The following PLEKHA6 variants were observed in gnomAD, a reference collection of about 807,000 sequenced individuals.
PLEKHA6 encodes the protein pleckstrin homology domain containing A6, also known as pleckstrin homology domain-containing family A member 6.
Under a neutral mutation model 116.7 loss-of-function variants are expected in PLEKHA6, and 60 were observed. The ratio of observed to expected loss-of-function variants is 0.51; its 90% CI spans 0.42 to 0.64. The LOEUF (loss-of-function observed/expected upper bound fraction) is 0.64. Among genes scored for constraint, PLEKHA6 ranks in the 30% least tolerant of loss-of-function variants. The probability of loss-of-function intolerance (pLI) is 0.00; values close to 1 mark genes in which losing one functional copy is unlikely to be tolerated. For missense variants in PLEKHA6, 1,338 were observed against 1,422.7 expected (o/e 0.94, Z 0.96); for synonymous variants, 489 against 556.1 (o/e 0.88, Z 1.70).
At position 204,357,037 on chromosome 1, in the gene PLEKHA6, C is replaced by T. The variant is rs530389749; in HGVS notation, c.-95+2657G>A. 4.2e-4 allele frequency among the ~76,000 whole-genome samples: 64 copies of T among 152,344 alleles called. 1 individual carries two copies. In the South Asian group the frequency reaches 0.011, roughly 26 times the overall value. On this transcript the variant is annotated intron_variant, in intron 1 of 22. Coordinates refer to ENST00000272203, the MANE Select transcript of PLEKHA6 (RefSeq NM_014935.5). ...GATCATGTAAAATATATTACATCCA[C>T]ACACGGACTATTATATACTATTTTA...
At chr1:204,285,814 G>C (rs1669105155) in intron 1 of PLEKHA6, among the ~76,000 whole-genome samples, 3 of 152,352 alleles carry the variant, frequency 2.0e-5, no homozygotes, top group South Asian at 4.1e-4. Flanking sequence ...GGCTGGGAGA[G>C]AAGAGTTGGA....
intron 1 of PLEKHA6, among the ~76,000 whole-genome samples, chr1:204,298,655 A>T (rs1670525134): frequency 6.6e-6 from 1 of 152,202 alleles, no homozygotes; most frequent in African/African-American, 2.4e-5. Context: ...AGGTCCAAGA[A>T]GGGCTAATGT....
In PLEKHA6 at chr1:204,223,576, G is replaced by A; in HGVS notation, c.3041C>T (p.Ala1014Val). 1.7e-6 allele frequency: 2 copies of A among 1,186,612 alleles called. No homozygotes were observed. Among genetic ancestry groups the A allele is most frequent in the Non-Finnish European group, 2.2e-6 (2 of 901,920 alleles). 73.5% of individuals were successfully genotyped at this position (1,186,612 alleles called of 1,614,324 possible). ...AGGGGAGGTGGGAGGGCTTGGGGTG[G>A]CACATTGCACTGGAAACAGAAATGA... is the stretch of plus-strand genomic sequence containing the variant. ...RRGRMLSVQC[A>V]TPSPPTSPAS... Residue 1014 changes from alanine (A) to valine (V), a missense_variant, in exon 22 of 23, where the codon GCC (alanine) becomes GTC (valine). Ala to Val is a moderately conservative substitution (Grantham distance 64). Around this residue, in one of 3 missense-constraint regions of PLEKHA6, gnomAD observed 1,136 missense variants for 1,163.6 expected, o/e 0.98. Transcript: ENST00000272203. The surrounding 1 kb of genome is among the most constrained non-coding windows in gnomAD (Gnocchi z 4.8).
chr1:204,347,515 C>T (rs575461493), intron 1 of PLEKHA6, among the ~76,000 whole-genome samples: 1 of 150,666 alleles, frequency 6.6e-6, no homozygotes, highest in African/African-American at 2.4e-5. Context: ...ACATCCTCCT[C>T]GGCTTACGAG....
At chr1:204,264,817 C>A in intron 6 of PLEKHA6, 125 bp downstream of exon 6, 1 of 762,922 alleles carries the variant, frequency 1.3e-6, no homozygotes, top group Non-Finnish European at 2.4e-6. Context: ...CCCACCACCA[C>A]TGCTATGGCC....
intron 12 of PLEKHA6, 46 bp from the exon 13 acceptor site, chr1:204,247,506 G>T: frequency 4.0e-6 from 5 of 1,265,454 alleles, no homozygotes; most frequent in East Asian, 2.3e-5. Context: ...CATCACCAAG[G>T]CATTCCTCCT....
At chr1:204,232,469 A>C (rs1234260085) in intron 17 of PLEKHA6, among the ~76,000 whole-genome samples, 1 of 152,180 alleles carries the variant, frequency 6.6e-6, no homozygotes, top group Non-Finnish European at 1.5e-5. Flanking sequence ...CCAATCGACC[A>C]TCCCAGAAGA....
chr1:204,315,794 G>A (rs1364451582), intron 1 of PLEKHA6, among the ~76,000 whole-genome samples: 1 of 152,170 alleles, frequency 6.6e-6, no homozygotes, highest in African/African-American at 2.4e-5. Flanking sequence ...AGGGCAGCGT[G>A]AGTGGGGAGC....
intron 3 of PLEKHA6, among the ~76,000 whole-genome samples, chr1:204,272,272 C>T (rs1230098937): frequency 1.3e-5 from 2 of 152,144 alleles, no homozygotes; most frequent in African/African-American, 4.8e-5. Flanking sequence ...GGTGGCTTTT[C>T]CCCATCCAGT....
chr1:204,372,096 C>T (rs1673788307), intron 1 of PLEKHA6, among the ~76,000 whole-genome samples: 1 of 152,198 alleles, frequency 6.6e-6, no homozygotes, highest in Admixed American at 6.5e-5. Context: ...ACTGCATGAA[C>T]CCATAGTCCT....
intron 1 of PLEKHA6, chr1:204,313,811 T>C (rs1671753805): frequency 2.0e-6 from 1 of 493,226 alleles, no homozygotes; most frequent in African/African-American, 2.1e-5. Context: ...AGAAACCTGT[T>C]CAAGCCACCC....
At chr1:204,330,811 C>G (rs1286100283) in intron 1 of PLEKHA6, among the ~76,000 whole-genome samples, 1 of 152,196 alleles carries the variant, frequency 6.6e-6, no homozygotes, top group African/African-American at 2.4e-5. Context: ...ACCCCTCCTT[C>G]CCTAGATCAC....
Position 204,359,695 on chromosome 1 carries a change from G to A in PLEKHA6, c.-96C>T, listed in dbSNP as rs1404481297. ...TGTGATGCATGAAAACAGACTCACC[G>A]GCTTCTGAGGTGTGATCCCCGCGCT... On this transcript the variant is annotated splice_region_variant and 5_prime_UTR_variant, in exon 1 of 23. Transcript: ENST00000272203. The A allele has an allele frequency of 5.6e-5, 55 of 977,078 alleles. No individual in the cohort carries two copies. Among genetic ancestry groups the A allele is most frequent in the Middle Eastern group, 5.2e-4 (1 of 1,916 alleles). 60.5% of individuals were successfully genotyped at this position (977,078 alleles called of 1,614,324 possible). A position where few individuals can be genotyped will look rare whatever the true frequency, so the allele number is the denominator to read the frequency against.
intron 2 of PLEKHA6, chr1:204,371,415 C>T (rs1432722558): frequency 3.3e-5 from 5 of 152,286 alleles, no homozygotes; most frequent in African/African-American, 1.2e-4. Flanking sequence ...AAGCTGAGTC[C>T]ATCCATGGAG....
chr1:204,255,780 C>A, intron 9 of PLEKHA6: 1 of 680,724 alleles, frequency 1.5e-6, no homozygotes, highest in Admixed American at 2.1e-5. Context: ...TAAGAGTTAG[C>A]GACAAGGACA....
chr1:204,327,831 AT>A (rs1672295267), intron 1 of PLEKHA6, among the ~76,000 whole-genome samples: 1 of 152,216 alleles, frequency 6.6e-6, no homozygotes, highest in Admixed American at 6.5e-5. Context: ...ACTTGCTCCC[AT>A]TCCTAAGGAA....
At chr1:204,326,155 C>G (rs1244204367) in intron 1 of PLEKHA6, among the ~76,000 whole-genome samples, 2 of 152,196 alleles carry the variant, frequency 1.3e-5, no homozygotes, top group African/African-American at 4.8e-5. Context: ...TGGCTGAGGG[C>G]AGCTCCAGTT....
chr1:204,363,081 A>T (rs1673591565), upstream of PLEKHA6, among the ~76,000 whole-genome samples: 1 of 152,070 alleles, frequency 6.6e-6, no homozygotes, highest in African/African-American at 2.4e-5. Context: ...CTGCCCCAGC[A>T]CTCCTGTGCT....
intron 1 of PLEKHA6, among the ~76,000 whole-genome samples, chr1:204,278,362 T>C (rs1325088382): frequency 6.6e-6 from 1 of 152,264 alleles, no homozygotes; most frequent in African/African-American, 2.4e-5. Context: ...CCTCTGGCTT[T>C]CTATATTATT....
Sources: allele counts gnomAD v4.1 joint callset (sites outside exome capture counted in the v4.1 genomes callset), GRCh38; gene constraint gnomAD v4.1.1; regional missense constraint gnomAD v4.1.1; non-coding constraint Gnocchi (gnomAD v3.1); transcripts MANE v1.5; gene names NCBI Gene and HGNC (gene_info 2026-07-23, HGNC 2026-07-21).